Variants in ZNF184 observed in about 807,000 individuals in gnomAD.
ZNF184 encodes zinc finger protein 184.
ZNF184 carries 16 observed loss-of-function variants against 54.4 expected under a neutral mutation model. The ratio of observed to expected loss-of-function variants is 0.29; its 90% CI spans 0.20 to 0.45. The LOEUF (loss-of-function observed/expected upper bound fraction) is 0.45. Among genes scored for constraint, ZNF184 ranks in the 20% least tolerant of loss-of-function variants. The pLI is 1.00. For missense variants in ZNF184, 681 were observed against 888.2 expected, an observed-to-expected ratio of 0.77 and a Z score of 2.97; for synonymous variants, 254 against 295.3, an observed-to-expected ratio of 0.86 and a Z score of 1.43.
chr6:27,418,667 G>A, the ZNF184 span, among the ~76,000 whole-genome samples: 1 of 151,834 alleles, frequency 6.6e-6, no homozygotes, highest in African/African-American at 2.4e-5. Flanking sequence ...TTTCTTTTCT[G>A]AATTTTAATT....
the ZNF184 span, among the ~76,000 whole-genome samples, chr6:27,433,473 C>T: frequency 1.3e-5 from 2 of 152,192 alleles, no homozygotes; most frequent in African/African-American, 4.8e-5. Context: ...AATTTTCTGT[C>T]TATTAAATAA....
the ZNF184 span, among the ~76,000 whole-genome samples, chr6:27,416,509 G>A: frequency 1.8e-3 from 276 of 152,268 alleles, 6 homozygotes; most frequent in Non-Finnish European, 3.5e-4. Context: ...CTGGTATCAT[G>A]ACAATATCCT....
the ZNF184 span, among the ~76,000 whole-genome samples, chr6:27,409,084 T>C: frequency 6.6e-6 from 1 of 152,296 alleles, no homozygotes; most frequent in East Asian, 1.9e-4. Context: ...AAGTAACAGA[T>C]GGTAATTTGG....
chr6:27,467,201 A>T (rs528884658), intron 3 of ZNF184, among the ~76,000 whole-genome samples: 23 of 152,206 alleles, frequency 1.5e-4, no homozygotes, highest in African/African-American at 5.3e-4. Context: ...ATCCCTCCAG[A>T]CCACATACAT....
In ZNF184 at chr6:27,463,255, C is replaced by T. The variant is rs569357273; in HGVS notation, c.75+4598G>A. On this transcript the variant is annotated intron_variant, in intron 3 of 5. Coordinates refer to ENST00000683788, the MANE Select transcript of ZNF184 (RefSeq NM_001318891.2). Reference sequence around the variant, plus strand: ...CAAACCTGCACATTGTGCACATGTACCCTAAAACTTAAAGTATAATAATAA... The same window carrying T: ...CAAACCTGCACATTGTGCACATGTATCCTAAAACTTAAAGTATAATAATAA... Among the ~76,000 whole-genome samples, 15 of 149,248 alleles carry T rather than the reference C, an allele frequency of 1.0e-4. No homozygotes were observed. In the South Asian group the frequency reaches 3.0e-3, roughly 30 times the overall value.
At chr6:27,471,668 T>C (rs1052588360) in intron 2 of ZNF184, among the ~76,000 whole-genome samples, 6 of 152,144 alleles carry the variant, frequency 3.9e-5, no homozygotes, top group African/African-American at 1.2e-4. Context: ...TGAGGCTATA[T>C]TGCTTAGAAA....
At chr6:27,471,358 GATA>G (rs1199131327) in intron 2 of ZNF184, among the ~76,000 whole-genome samples, 4 of 152,156 alleles carry the variant, frequency 2.6e-5, no homozygotes, top group African/African-American at 9.7e-5. Flanking sequence ...TGACATTAAG[GATA>G]ATAATAATTC....
chr6:27,458,103 CT>C (rs1368349980), intron 3 of ZNF184, among the ~76,000 whole-genome samples: 2 of 151,150 alleles, frequency 1.3e-5, no homozygotes, highest in Non-Finnish European at 2.9e-5. Context: ...TCCTGCCAAC[CT>C]AAAGATGAAA....
chr6:27,458,717 C>T (rs1434136545), intron 3 of ZNF184, among the ~76,000 whole-genome samples: 1 of 152,076 alleles, frequency 6.6e-6, no homozygotes, highest in Admixed American at 6.6e-5. Context: ...TCCAGCAATC[C>T]CGCTAATGGG....
chr6:27,407,832 A>C, the ZNF184 span: 514,893 of 781,490 alleles, frequency 0.66, 171,522 homozygotes, highest in Middle Eastern at 0.81. Context: ...TGGTTTAGAA[A>C]TCTCCACAGC....
chr6:27,466,141 G>A (rs1763130709), intron 3 of ZNF184, among the ~76,000 whole-genome samples: 1 of 148,762 alleles, frequency 6.7e-6, no homozygotes. Context: ...AGAGTCAGAG[G>A]GAGAGAGAGA....
At chr6:27,428,415 A>G in the ZNF184 span, among the ~76,000 whole-genome samples, 4 of 152,160 alleles carry the variant, frequency 2.6e-5, no homozygotes, top group African/African-American at 9.7e-5. This position sits in a 1 kb window ranked among gnomAD's most constrained non-coding sequence, Gnocchi z 4.1. Context: ...CTTCCCTACA[A>G]AGATCAAGGT....
At chr6:27,430,781 A>T in the ZNF184 span, among the ~76,000 whole-genome samples, 52 of 152,374 alleles carry the variant, frequency 3.4e-4, no homozygotes, top group Admixed American at 7.2e-4. Flanking sequence ...GGAAACAAAT[A>T]TACTCTTCTT....
At chr6:27,417,731 G>A in the ZNF184 span, among the ~76,000 whole-genome samples, 1 of 152,096 alleles carries the variant, frequency 6.6e-6, no homozygotes, top group Non-Finnish European at 1.5e-5. Flanking sequence ...AGACAAGCAG[G>A]GCTTTAATGG....
At chr6:27,423,962 TTA>T in the ZNF184 span, among the ~76,000 whole-genome samples, 3 of 152,212 alleles carry the variant, frequency 2.0e-5, no homozygotes, top group Non-Finnish European at 4.4e-5. Context: ...TAAAATTATT[TTA>T]TTAGTTGTTG....
chr6:27,424,221 A>T, the ZNF184 span, among the ~76,000 whole-genome samples: 3 of 151,848 alleles, frequency 2.0e-5, no homozygotes, highest in Non-Finnish European at 1.5e-5. Context: ...CTTCACGGTG[A>T]GGTCTCTGGT....
intron 3 of ZNF184, among the ~76,000 whole-genome samples, chr6:27,465,484 CAAAAA>C (rs60538455): frequency 3.3e-3 from 116 of 35,162 alleles, no homozygotes; most frequent in African/African-American, 0.011. Context: ...GACTCCATCT[CAAAAA>C]AAAAAAAAAA....
chr6:27,437,792 A>C, the ZNF184 span, among the ~76,000 whole-genome samples: 7 of 152,246 alleles, frequency 4.6e-5, no homozygotes, highest in African/African-American at 1.7e-4. Context: ...AGAAATCAGA[A>C]TCAGAGGCTG....
chr6:27,443,933 A>G, the ZNF184 span, among the ~76,000 whole-genome samples: 1 of 151,974 alleles, frequency 6.6e-6, no homozygotes, highest in Non-Finnish European at 1.5e-5. Flanking sequence ...AGCTAAATCC[A>G]ATTTTCAGCT....
Sources: gnomAD v4.1 joint callset for allele counts (sites outside exome capture counted in the v4.1 genomes callset) on GRCh38, gnomAD v4.1.1 for gene constraint, Gnocchi (gnomAD v3.1) non-coding constraint, MANE v1.5 for transcripts, NCBI Gene and HGNC (gene_info 2026-07-23, HGNC 2026-07-21) for gene names.